Variants in SELENOF observed in about 807,000 individuals in gnomAD.
The protein encoded by SELENOF is 15 kDa selenoprotein.
In SELENOF, 16 loss-of-function variants were observed where a neutral mutation model predicts 20.5. The ratio of observed to expected loss-of-function variants is 0.78; its 90% CI spans 0.53 to 1.19. The LOEUF (loss-of-function observed/expected upper bound fraction) is 1.19. Ranked by LOEUF, SELENOF falls within the 50% of genes most tolerant of loss-of-function variation. The probability of loss-of-function intolerance (pLI) is 0.00; values close to 1 mark genes in which losing one functional copy is unlikely to be tolerated. For missense variants in SELENOF, 215 were observed against 194.2 expected, an observed-to-expected ratio of 1.11 and a Z score of -0.64; for synonymous variants, 78 against 74.5, an observed-to-expected ratio of 1.05 and a Z score of -0.24.
At chr1:86,864,648 T>A (rs1658546471) in intron 4 of SELENOF, among the ~76,000 whole-genome samples, 3 of 152,082 alleles carry the variant, frequency 2.0e-5, no homozygotes, top group Admixed American at 2.0e-4. Flanking sequence ...TACTTTTTTT[T>A]TTTTTTTGGG....
chr1:86,876,021 A>G (rs1658915629), intron 3 of SELENOF, among the ~76,000 whole-genome samples: 2 of 151,908 alleles, frequency 1.3e-5, no homozygotes, highest in Non-Finnish European at 2.9e-5. Context: ...GATTTTAAGC[A>G]AGAGAGAGAC....
chr1:86,900,156 C>T (rs947599989), intron 2 of SELENOF, among the ~76,000 whole-genome samples: 1 of 151,956 alleles, frequency 6.6e-6, no homozygotes, highest in South Asian at 2.1e-4. Context: ...GGCGGCCAGG[C>T]GGAGACGCTC....
intron 2 of SELENOF, among the ~76,000 whole-genome samples, chr1:86,885,883 C>CA: frequency 6.6e-6 from 1 of 151,928 alleles, no homozygotes; most frequent in Non-Finnish European, 1.5e-5. Flanking sequence ...AAGAAGTCAC[C>CA]AAAAAAAGTG....
At chr1:86,901,988 T>C (rs1239936479) in intron 2 of SELENOF, among the ~76,000 whole-genome samples, 1 of 152,090 alleles carries the variant, frequency 6.6e-6, no homozygotes, top group African/African-American at 2.4e-5. Context: ...GGATGTTGGT[T>C]GAGTAGTAGT....
At chr1:86,876,558 G>A (rs1022501828) in intron 3 of SELENOF, among the ~76,000 whole-genome samples, 2 of 152,116 alleles carry the variant, frequency 1.3e-5, no homozygotes, top group African/African-American at 4.8e-5. Flanking sequence ...AAATGGAAAT[G>A]TCCCATGGAA....
At chr1:86,880,581 T>C (rs1404691637) in intron 3 of SELENOF, 81 bp downstream of exon 3, 1 of 710,650 alleles carries the variant, frequency 1.4e-6, no homozygotes. Context: ...TTCTTATTCC[T>C]GGGAATATAT....
At chr1:86,906,523 G>A (rs1226244579) in intron 1 of SELENOF, among the ~76,000 whole-genome samples, 2 of 152,204 alleles carry the variant, frequency 1.3e-5, no homozygotes, top group East Asian at 3.8e-4. Context: ...GTGATTCTGA[G>A]GGTAGGTCGT....
rs6676377 is a variant in SELENOF, at chr1:86,885,789, G to A, written c.253-5064C>T. Reference sequence around the variant, plus strand: ...CCAGTTCTGGCTCTGCCACTTACAAGCAGTATGCCCCCTTGGGTAAGTCAT... The same window carrying A: ...CCAGTTCTGGCTCTGCCACTTACAAACAGTATGCCCCCTTGGGTAAGTCAT... On this transcript the variant is annotated intron_variant, in intron 2 of 4. Transcript: ENST00000331835. 9.7e-3 allele frequency among the ~76,000 whole-genome samples: 1,482 copies of A among 152,220 alleles called. 28 individuals are homozygous for A. The highest frequency in any genetic ancestry group is 0.033 in the African/African-American group (1,381 of 41,534).
At chr1:86,899,159 A>G (rs1659605328) in intron 2 of SELENOF, among the ~76,000 whole-genome samples, 2 of 151,358 alleles carry the variant, frequency 1.3e-5, no homozygotes, top group Admixed American at 6.6e-5. Flanking sequence ...GTACAGAACA[A>G]AATGAAAAGT....
chr1:86,866,622 A>T (rs1036255869), intron 4 of SELENOF, among the ~76,000 whole-genome samples: 4 of 152,154 alleles, frequency 2.6e-5, no homozygotes, highest in African/African-American at 9.7e-5. Flanking sequence ...AATATTTTTT[A>T]CCACAATTTA....
chr1:86,898,651 G>A (rs1363365419), intron 2 of SELENOF, among the ~76,000 whole-genome samples: 1 of 147,874 alleles, frequency 6.8e-6, no homozygotes, highest in East Asian at 2.0e-4. Context: ...GTGCGATCTC[G>A]GCTCACAGCA....
intron 4 of SELENOF, among the ~76,000 whole-genome samples, chr1:86,864,788 T>C (rs1296200044): frequency 6.6e-6 from 1 of 151,772 alleles, no homozygotes; most frequent in African/African-American, 2.4e-5. Flanking sequence ...AGGCCCCTGC[T>C]ACCACACCCG....
At chr1:86,904,639 T>C (rs1659784889) in intron 1 of SELENOF, among the ~76,000 whole-genome samples, 1 of 152,236 alleles carries the variant, frequency 6.6e-6, no homozygotes, top group Non-Finnish European at 1.5e-5. Context: ...CATTTCTGAA[T>C]TGTTACTATA....
chr1:86,899,754 G>A (rs1196888385), intron 2 of SELENOF, among the ~76,000 whole-genome samples: 1 of 151,650 alleles, frequency 6.6e-6, no homozygotes, highest in African/African-American at 2.4e-5. Context: ...TCCCAGACGG[G>A]GTGGCTGCCG....
chr1:86,902,055 G>T (rs1426793246), intron 2 of SELENOF, among the ~76,000 whole-genome samples: 1 of 152,184 alleles, frequency 6.6e-6, no homozygotes, highest in African/African-American at 2.4e-5. Context: ...GATTTATTCA[G>T]CAATTTGTCC....
chr1:86,863,679 A>C, intron 4 of SELENOF, 74 bp from the exon 5 acceptor site: 1 of 1,339,224 alleles, frequency 7.5e-7, no homozygotes, highest in Non-Finnish European at 1.0e-6. Context: ...AGACAAAGCA[A>C]TTCAATCCAG....
intron 3 of SELENOF, among the ~76,000 whole-genome samples, chr1:86,876,213 G>C (rs969864965): frequency 6.6e-6 from 1 of 152,014 alleles, no homozygotes; most frequent in African/African-American, 2.4e-5. Flanking sequence ...ATTACTGAGG[G>C]AGAAGAGACA....
intron 2 of SELENOF, among the ~76,000 whole-genome samples, chr1:86,897,496 T>G (rs1373893946): frequency 1.3e-5 from 2 of 152,196 alleles, no homozygotes; most frequent in Non-Finnish European, 2.9e-5. Flanking sequence ...CTAAATCTTC[T>G]AAATCATCTA....
chr1:86,874,412 C>T (rs138637101), intron 3 of SELENOF, among the ~76,000 whole-genome samples: 1 of 152,088 alleles, frequency 6.6e-6, no homozygotes, highest in African/African-American at 2.4e-5. Flanking sequence ...GATTTAAAGA[C>T]AGATTAAATG....
Sources: allele counts gnomAD v4.1 joint callset (sites outside exome capture counted in the v4.1 genomes callset), GRCh38; gene constraint gnomAD v4.1.1; transcripts MANE v1.5; gene names NCBI Gene and HGNC (gene_info 2026-07-23, HGNC 2026-07-21).